TACC1: variants seen among roughly 807,000 people sequenced by gnomAD.
TACC1 encodes the protein transforming acidic coiled-coil containing protein 1.
Under a neutral mutation model 84.4 loss-of-function variants are expected in TACC1, and 48 were observed. That is an observed-to-expected ratio of 0.57 (90% CI 0.45 to 0.72). The LOEUF is 0.72. TACC1 is among the 30% of genes least tolerant of loss of function. The pLI is 0.00. For missense variants in TACC1, 920 were observed against 973.0 expected, an observed-to-expected ratio of 0.95 and a Z score of 0.72; for synonymous variants, 372 against 376.3, an observed-to-expected ratio of 0.99 and a Z score of 0.13.
intron 3 of TACC1, among the ~76,000 whole-genome samples, chr8:38,762,823 C>T (rs1292279307): frequency 6.6e-6 from 1 of 152,130 alleles, no homozygotes; most frequent in Non-Finnish European, 1.5e-5. Context: ...TCCCAAAGTG[C>T]TGGGATTACA....
intron 3 of TACC1, among the ~76,000 whole-genome samples, chr8:38,759,626 C>T (rs1369993102): frequency 6.6e-6 from 1 of 152,206 alleles, no homozygotes; most frequent in Non-Finnish European, 1.5e-5. Flanking sequence ...AAAGCCCATC[C>T]TTGGTCTTTG....
intron 1 of TACC1, among the ~76,000 whole-genome samples, chr8:38,737,125 G>T (rs576935041): frequency 2.6e-5 from 4 of 152,118 alleles, no homozygotes; most frequent in African/African-American, 7.2e-5. Context: ...CCTGATGTGG[G>T]AATTTCCTTA....
At chr8:38,800,014 AGCAGG>A (rs1331031967) in intron 2 of TACC1, 1 of 152,282 alleles carries the variant, frequency 6.6e-6, no homozygotes, top group East Asian at 1.9e-4. Flanking sequence ...ACAAAAAATT[AGCAGG>A]GCATGATGGC....
rs1832606423 is a variant in TACC1 at position 38,847,845 on chromosome 8, G to C, written c.2350-110G>C. The C allele has an allele frequency of 4.9e-6, 4 of 820,760 alleles. No homozygotes were observed. The Admixed American group carries it at 9.7e-5, about 20-fold the overall frequency. The allele number at this position is 820,760 out of a possible 1,614,324, so 50.8% of individuals were successfully genotyped here. On this transcript the variant is annotated intron_variant, in intron 12 of 12. Transcript: ENST00000317827. ...TGATGTAGAAAAGTTAAAAATCACT[G>C]AATTAGGATGTCTAGGGTAGGGTAG...
At chr8:38,817,479 G>A (rs977636791) in intron 2 of TACC1, among the ~76,000 whole-genome samples, 2 of 152,188 alleles carry the variant, frequency 1.3e-5, no homozygotes, top group African/African-American at 4.8e-5. Flanking sequence ...ACAACTGTAT[G>A]ACAGAGAAAA....
intron 3 of TACC1, among the ~76,000 whole-genome samples, chr8:38,770,284 G>A (rs958247973): frequency 6.6e-6 from 1 of 152,066 alleles, no homozygotes; most frequent in Non-Finnish European, 1.5e-5. Context: ...GGGTTTTGAT[G>A]CCGCATTGTT....
Position 38,850,264 on chromosome 8 carries a change from T to G in TACC1, c.*2241T>G, listed in dbSNP as rs554579078. On this transcript the variant is annotated 3_prime_UTR_variant, in exon 13 of 13. Transcript: ENST00000317827. ...CCTGGCCTCTCAGCCATGACCGTTA[T>G]GAGGAAATATCCCCCATTCGAACTT... 6.6e-6 allele frequency: 1 copy of G among 152,386 alleles called. No homozygotes were observed. The highest frequency in any genetic ancestry group is 2.4e-5 in the African/African-American group (1 of 41,574). 9.4% of individuals were successfully genotyped at this position (152,386 alleles called of 1,614,324 possible).
intron 1 of TACC1, chr8:38,788,075 A>G (rs1817717707): frequency 6.8e-6 from 2 of 293,672 alleles, no homozygotes; most frequent in Non-Finnish European, 6.3e-6. Flanking sequence ...GATCTAACCC[A>G]GTGCAACTTA....
rs980589997 is a variant in TACC1 at position 38,790,461 on chromosome 8, T to C, written c.277+1642T>C. Among the ~76,000 whole-genome samples the C allele has an allele frequency of 3.3e-5, 5 of 152,310 alleles. No homozygotes were observed. In the East Asian group the frequency reaches 7.7e-4, roughly 23 times the overall value. ...TGATTCAGCTTCTTTTGTAAAAGGC[T>C]CCCTGGGCTGCTGTGTGGAGAAGGG... On this transcript the variant is annotated intron_variant, in intron 2 of 12. Transcript: ENST00000317827.
chr8:38,756,153 G>A (rs578015184), intron 3 of TACC1, among the ~76,000 whole-genome samples: 3 of 152,026 alleles, frequency 2.0e-5, no homozygotes, highest in African/African-American at 4.8e-5. Context: ...TAAATGCTTC[G>A]TTAGCAGAGT....
rs138844133 is a variant in TACC1, at chr8:38,788,892, A to G, written c.277+73A>G. On this transcript the variant is annotated intron_variant, in intron 2 of 12. Transcript: ENST00000317827. The stretch of plus-strand genomic sequence containing the variant: ...TGAAAAATATCAATGAAGGAAGGAA[A>G]AAAGTGTAAATTTAGGACCATTTAA... The G allele has an allele frequency of 8.9e-4, 1,091 of 1,232,364 alleles. 9 individuals are homozygous for G. In the African/African-American group the frequency reaches 0.014, roughly 16 times the overall value. 76.3% of individuals were successfully genotyped at this position (1,232,364 alleles called of 1,614,324 possible). A position where few individuals can be genotyped will look rare whatever the true frequency, so the allele number is the denominator to read the frequency against.
intron 1 of TACC1, among the ~76,000 whole-genome samples, chr8:38,737,566 G>A (rs1806207564): frequency 6.6e-6 from 1 of 152,052 alleles, no homozygotes; most frequent in Non-Finnish European, 1.5e-5. Context: ...ACTGGCCAGT[G>A]TGATGGTCCC....
At chr8:38,803,121 C>T (rs1020612624) in intron 2 of TACC1, among the ~76,000 whole-genome samples, 7 of 152,160 alleles carry the variant, frequency 4.6e-5, no homozygotes, top group African/African-American at 1.7e-4. Context: ...GATTTTTACA[C>T]ATTGATCTTG....
chr8:38,794,413 A>C (rs1262538479), intron 2 of TACC1, among the ~76,000 whole-genome samples: 3 of 152,216 alleles, frequency 2.0e-5, no homozygotes, highest in Admixed American at 2.0e-4. Flanking sequence ...TTGGGGTTAC[A>C]GGCATGAGCC....
rs368780608 is a variant in TACC1, at chr8:38,849,555, A to G, written c.*1532A>G. ...GTTGCATGATCCAACTTCAGCAATGAATTGTGCCTAGTGGAGAACCTCTAT... is the reference window on the plus strand; with the variant it reads ...GTTGCATGATCCAACTTCAGCAATGGATTGTGCCTAGTGGAGAACCTCTAT... On this transcript the variant is annotated 3_prime_UTR_variant, in exon 13 of 13. Transcript: ENST00000317827. The G allele has an allele frequency of 6.6e-6, 1 of 152,258 alleles. No individual in the cohort carries two copies. Among genetic ancestry groups the G allele is most frequent in the East Asian group, 1.9e-4 (1 of 5,206 alleles). The allele number at this position is 152,258 out of a possible 1,614,324, so 9.4% of individuals were successfully genotyped here.
At chr8:38,840,360 C>A in intron 9 of TACC1, 93 bp downstream of exon 9, 1 of 1,156,374 alleles carries the variant, frequency 8.6e-7, no homozygotes, top group Non-Finnish European at 1.3e-6. Flanking sequence ...AGCTAGGTAG[C>A]TTATAAACAA....
chr8:38,773,470 T>C (rs1195016467), intron 3 of TACC1, among the ~76,000 whole-genome samples: 2 of 149,360 alleles, frequency 1.3e-5, no homozygotes, highest in Non-Finnish European at 3.0e-5. Context: ...CATTAATATT[T>C]ACACTGGTAA....
At chr8:38,758,476 G>C (rs1428125945) in intron 3 of TACC1, among the ~76,000 whole-genome samples, 1 of 151,898 alleles carries the variant, frequency 6.6e-6, no homozygotes, top group East Asian at 1.9e-4. Context: ...TCAGGAGTTC[G>C]TAGACCAGCT....
At chr8:38,775,006 G>A (rs1375827997) in intron 3 of TACC1, among the ~76,000 whole-genome samples, 6 of 88,688 alleles carry the variant, frequency 6.8e-5, no homozygotes, top group Admixed American at 2.3e-4. Context: ...GTGAGACTCC[G>A]TCTCAAAAAA....
Sources: allele counts gnomAD v4.1 joint callset (sites outside exome capture counted in the v4.1 genomes callset), GRCh38; gene constraint gnomAD v4.1.1; transcripts MANE v1.5; gene names NCBI Gene and HGNC (gene_info 2026-07-23, HGNC 2026-07-21).